NCAM1: variants seen among roughly 807,000 people sequenced by gnomAD.
NCAM1 encodes the protein neural cell adhesion molecule 1, also known as antigen recognized by monoclonal antibody 5.1H11.
In NCAM1, 14 loss-of-function variants were observed where a neutral mutation model predicts 109.8. The observed-to-expected ratio is 0.13, with a 90% CI of 0.08 to 0.20. The LOEUF (loss-of-function observed/expected upper bound fraction) is 0.20. Among genes scored for constraint, NCAM1 ranks in the 10% least tolerant of loss-of-function variants. NCAM1 has a pLI of 1.00. For synonymous variants in NCAM1, 418 were observed against 442.9 expected (o/e 0.94, Z 0.70); for missense variants, 774 against 1,109.9 (o/e 0.70, Z 4.30).
chr11:113,169,582 A>G (rs890391468), intron 1 of NCAM1, among the ~76,000 whole-genome samples: 1 of 149,052 alleles, frequency 6.7e-6, no homozygotes, highest in African/African-American at 2.5e-5. Context: ...GTAAGCTTGC[A>G]TTGCTTTTTC....
intron 1 of NCAM1, among the ~76,000 whole-genome samples, chr11:113,004,196 T>G (rs1431647159): frequency 2.0e-5 from 3 of 152,224 alleles, no homozygotes; most frequent in Admixed American, 6.5e-5. Flanking sequence ...TATATACACT[T>G]AAAAATGTTT....
intron 1 of NCAM1, among the ~76,000 whole-genome samples, chr11:113,195,874 A>T (rs1017553689): frequency 1.6e-4 from 24 of 149,218 alleles, no homozygotes; most frequent in African/African-American, 5.7e-4. Context: ...TCTCATTCTC[A>T]TTACATGTGT....
At chr11:113,164,411 C>T (rs1555104913) in intron 1 of NCAM1, among the ~76,000 whole-genome samples, 1 of 152,072 alleles carries the variant, frequency 6.6e-6, no homozygotes. Context: ...AGAGTCAGAT[C>T]CCACAGGCTA....
At chr11:113,076,959 C>T (rs1555086249) in intron 1 of NCAM1, among the ~76,000 whole-genome samples, 2 of 152,174 alleles carry the variant, frequency 1.3e-5, no homozygotes, top group South Asian at 4.1e-4. Context: ...AATATGACTA[C>T]TCAAGTATCT....
At chr11:113,101,403 A>G (rs1939866880) in intron 1 of NCAM1, among the ~76,000 whole-genome samples, 1 of 152,106 alleles carries the variant, frequency 6.6e-6, no homozygotes, top group Non-Finnish European at 1.5e-5. Flanking sequence ...TAGCATGGTT[A>G]TTTTCCTTTG....
At position 113,233,615 on chromosome 11, in the gene NCAM1, G is replaced by A. The variant is rs1020941117; in HGVS notation, c.1693+298G>A. ...CAGATGAGTCCAGCCCATAGGTTCT[G>A]AGCATGGCCAGATGAGTCTAATCCA... is the stretch of plus-strand genomic sequence containing the variant. On this transcript the variant is annotated intron_variant, in intron 13 of 19. Coordinates refer to ENST00000316851, the MANE Select transcript of NCAM1 (RefSeq NM_181351.5). The surrounding 1 kb of genome is among the most constrained non-coding windows in gnomAD (Gnocchi z 4.5). 6.6e-6 allele frequency among the ~76,000 whole-genome samples: 1 copy of A among 152,232 alleles called. No individual in the cohort carries two copies. Among genetic ancestry groups the A allele is most frequent in the Non-Finnish European group, 1.5e-5 (1 of 68,042 alleles).
chr11:113,078,571 A>C (rs546052667), intron 1 of NCAM1, among the ~76,000 whole-genome samples: 1 of 152,032 alleles, frequency 6.6e-6, no homozygotes, highest in South Asian at 2.1e-4. Context: ...TTGGATGGGG[A>C]GTGGAGGGTA....
chr11:113,044,156 T>G (rs1216549164), intron 1 of NCAM1, among the ~76,000 whole-genome samples: 2 of 152,196 alleles, frequency 1.3e-5, no homozygotes, highest in African/African-American at 4.8e-5. Context: ...GGTTCCTTCC[T>G]GTTCACCTGT....
chr11:113,133,764 G>T (rs1941496550), intron 1 of NCAM1: 1 of 152,118 alleles, frequency 6.6e-6, no homozygotes, highest in South Asian at 2.1e-4. Context: ...GCTGTGTAAA[G>T]ACAAAAATAT....
chr11:113,005,253 T>A (rs1951864218), intron 1 of NCAM1, among the ~76,000 whole-genome samples: 1 of 152,202 alleles, frequency 6.6e-6, no homozygotes, highest in African/African-American at 2.4e-5. Flanking sequence ...TCCCCAAATT[T>A]CTGGTGATCA....
intron 9 of NCAM1, chr11:113,231,102 T>G (rs1944992197): frequency 3.2e-6 from 4 of 1,236,866 alleles, no homozygotes; most frequent in African/African-American, 1.5e-5. Flanking sequence ...CATGTGATTA[T>G]TTCACTTTTA....
chr11:113,172,717 A>C (rs1247563556), intron 1 of NCAM1, among the ~76,000 whole-genome samples: 1 of 152,234 alleles, frequency 6.6e-6, no homozygotes, highest in Non-Finnish European at 1.5e-5. Context: ...CTGTTTTACC[A>C]TGAAAAGTCG....
chr11:113,255,521 T>C (rs956105434), intron 15 of NCAM1, among the ~76,000 whole-genome samples: 3 of 148,102 alleles, frequency 2.0e-5, no homozygotes, highest in African/African-American at 7.5e-5. Context: ...TTCCTCAAGA[T>C]GTGTCAGGCT....
At chr11:113,072,655 A>G (rs1392020411) in intron 1 of NCAM1, among the ~76,000 whole-genome samples, 4 of 151,648 alleles carry the variant, frequency 2.6e-5, no homozygotes, top group Non-Finnish European at 5.9e-5. Context: ...ATAATCTGTG[A>G]CTTGATTTAC....
chr11:113,002,736 T>C (rs1346918068), intron 1 of NCAM1, among the ~76,000 whole-genome samples: 5 of 152,194 alleles, frequency 3.3e-5, no homozygotes, highest in African/African-American at 7.2e-5. Context: ...CTAAGTCTCC[T>C]GTGGCAGAGA....
intron 1 of NCAM1, among the ~76,000 whole-genome samples, chr11:113,168,404 T>C (rs1555105627): frequency 1.3e-5 from 2 of 152,204 alleles, no homozygotes; most frequent in African/African-American, 4.8e-5. Flanking sequence ...CGATGTCTGG[T>C]CGTGGCAGCC....
chr11:113,224,722 C>T (rs1944787508), intron 9 of NCAM1, among the ~76,000 whole-genome samples: 1 of 152,222 alleles, frequency 6.6e-6, no homozygotes, highest in African/African-American at 2.4e-5. Context: ...CCAGGTACCC[C>T]TCTGAGACAA....
chr11:113,018,032 G>A (rs1266869298), intron 1 of NCAM1, among the ~76,000 whole-genome samples: 3 of 152,176 alleles, frequency 2.0e-5, no homozygotes, highest in Non-Finnish European at 4.4e-5. Context: ...GTTGGAGTAA[G>A]TTTCCACTGG....
intron 1 of NCAM1, among the ~76,000 whole-genome samples, chr11:113,024,970 A>G (rs971217046): frequency 3.9e-5 from 6 of 152,204 alleles, no homozygotes; most frequent in Non-Finnish European, 7.3e-5. Context: ...ACAATTAGGG[A>G]AAGCCGTTTG....
Sources: allele counts gnomAD v4.1 joint callset (sites outside exome capture counted in the v4.1 genomes callset), GRCh38; gene constraint gnomAD v4.1.1; non-coding constraint Gnocchi (gnomAD v3.1); transcripts MANE v1.5; gene names NCBI Gene and HGNC (gene_info 2026-07-23, HGNC 2026-07-21).